The following RAB3C variants were observed in gnomAD, a reference collection of about 807,000 sequenced individuals.
RAB3C encodes the protein ras-related protein Rab-3C.
RAB3C carries 17 observed loss-of-function variants against 26.4 expected under a neutral mutation model. That is an observed-to-expected ratio of 0.64 (90% CI 0.44 to 0.97). The LOEUF (loss-of-function observed/expected upper bound fraction) is 0.97, where lower values mean the gene tolerates loss of function less well. RAB3C is among the 50% of genes least tolerant of loss of function. The pLI is 0.00. For missense variants in RAB3C, 242 were observed against 281.9 expected, an observed-to-expected ratio of 0.86 and a Z score of 1.01; for synonymous variants, 91 against 95.9, an observed-to-expected ratio of 0.95 and a Z score of 0.30.
Position 58,678,727 on chromosome 5 carries a change from T to C in RAB3C, c.253-47275T>C, listed in dbSNP as rs1748283469. 2.0e-5 allele frequency among the ~76,000 whole-genome samples: 3 copies of C among 152,222 alleles called. No individual in the cohort carries two copies. The South Asian group carries it at 6.2e-4, about 31-fold the overall frequency. ...TCACCCATTCTCTATTTTCTCTACATTTTAACAATAACCCAACTGCAAGTC... is the reference window on the plus strand; with the variant it reads ...TCACCCATTCTCTATTTTCTCTACACTTTAACAATAACCCAACTGCAAGTC... On this transcript the variant is annotated intron_variant, in intron 2 of 4. Coordinates refer to ENST00000282878, the MANE Select transcript of RAB3C (RefSeq NM_138453.4).
chr5:58,684,976 G>A (rs1748414434), intron 2 of RAB3C, among the ~76,000 whole-genome samples: 1 of 152,110 alleles, frequency 6.6e-6, no homozygotes, highest in African/African-American at 2.4e-5. Context: ...TGAATATATT[G>A]CAATATGTTA....
At chr5:58,658,603 G>A (rs879764822) in intron 2 of RAB3C, among the ~76,000 whole-genome samples, 8 of 152,158 alleles carry the variant, frequency 5.3e-5, no homozygotes, top group South Asian at 2.1e-4. Flanking sequence ...GTTTAGTGGC[G>A]TAAAATGACA....
intron 1 of RAB3C, among the ~76,000 whole-genome samples, chr5:58,590,519 T>A (rs1746105757): frequency 6.6e-6 from 1 of 151,724 alleles, no homozygotes; most frequent in East Asian, 1.9e-4. Context: ...TCTTAAGGTA[T>A]AAATTTGGTT....
intron 2 of RAB3C, among the ~76,000 whole-genome samples, chr5:58,702,017 A>G (rs1579867419): frequency 6.6e-6 from 1 of 152,226 alleles, no homozygotes; most frequent in East Asian, 1.9e-4. Flanking sequence ...AGTAAGATGC[A>G]AATCTGGTCC....
Position 58,617,796 on chromosome 5 carries a change from G to A in RAB3C, c.178G>A (p.Val60Ile), listed in dbSNP as rs190927640. ...YADDSFTSAF[V>I]STVGIDFKVK... is the part of the protein sequence containing the mutation. The stretch of plus-strand genomic sequence containing the variant: ...AGATGACTCCTTTACATCTGCATTC[G>A]TCAGCACAGTTGGGATCGATTTCAA... Residue 60 changes from valine to isoleucine, a missense_variant, in exon 2 of 5, where the codon GTC (valine) becomes ATC (isoleucine). Coordinates refer to ENST00000282878, the MANE Select transcript of RAB3C (RefSeq NM_138453.4). 1.0e-4 allele frequency: 162 copies of A among 1,613,618 alleles called. No homozygotes were observed. Among genetic ancestry groups the A allele is most frequent in the Non-Finnish European group, 1.2e-4 (144 of 1,179,736 alleles).
chr5:58,647,633 A>G (rs958148469), intron 2 of RAB3C: 9 of 152,250 alleles, frequency 5.9e-5, no homozygotes, highest in African/African-American at 2.2e-4. Flanking sequence ...TTTGAGATCT[A>G]TACTTTGGCT....
intron 1 of RAB3C, among the ~76,000 whole-genome samples, chr5:58,596,196 A>G (rs1158084083): frequency 6.6e-6 from 1 of 151,926 alleles, no homozygotes; most frequent in Non-Finnish European, 1.5e-5. Flanking sequence ...TGGTAACCCT[A>G]CCCATACCCT....
intron 2 of RAB3C, among the ~76,000 whole-genome samples, chr5:58,709,044 G>C (rs1013224956): frequency 1.3e-5 from 2 of 151,854 alleles, no homozygotes; most frequent in Admixed American, 6.6e-5. Flanking sequence ...TCTCATTTGT[G>C]GCTTTTTACT....
At position 58,671,698 on chromosome 5, in the gene RAB3C, G is replaced by A. The variant is rs1223535195; in HGVS notation, c.252+53828G>A. Among the ~76,000 whole-genome samples, 5 of 152,102 alleles carry A rather than the reference G, an allele frequency of 3.3e-5. No individual in the cohort carries two copies. In the East Asian group the frequency reaches 9.6e-4, roughly 29 times the overall value. On this transcript the variant is annotated intron_variant, in intron 2 of 4. Transcript: ENST00000282878. ...AGGGTTTCAAAACAAAATATAATTT[G>A]AACTGGAAAGTTTCGGTTGTTATTT...
At chr5:58,653,546 C>T (rs1747703415) in intron 2 of RAB3C, among the ~76,000 whole-genome samples, 1 of 152,118 alleles carries the variant, frequency 6.6e-6, no homozygotes, top group Admixed American at 6.5e-5. Flanking sequence ...TTGGAATCAA[C>T]CCAAATACCC....
intron 3 of RAB3C, among the ~76,000 whole-genome samples, chr5:58,769,920 C>G (rs1741998182): frequency 6.6e-6 from 1 of 152,122 alleles, no homozygotes; most frequent in Non-Finnish European, 1.5e-5. Flanking sequence ...ACCTTAAAAT[C>G]ACATTCCATG....
At chr5:58,810,798 T>C (rs917872761) in intron 3 of RAB3C, among the ~76,000 whole-genome samples, 2 of 152,208 alleles carry the variant, frequency 1.3e-5, no homozygotes, top group African/African-American at 2.4e-5. Flanking sequence ...GGTTTCGCCA[T>C]GTTGGCCAGG....
intron 2 of RAB3C, among the ~76,000 whole-genome samples, chr5:58,709,945 T>C (rs1749023587): frequency 6.6e-6 from 1 of 152,198 alleles, no homozygotes. Context: ...GTGGGTAACT[T>C]TGTGCCTTGT....
intron 2 of RAB3C, among the ~76,000 whole-genome samples, chr5:58,689,010 G>A (rs62366576): frequency 8.6e-4 from 131 of 152,138 alleles, no homozygotes; most frequent in Middle Eastern, 6.8e-3. Flanking sequence ...CAGGTATTAG[G>A]CTAAGCATCT....
At chr5:58,608,154 C>A (rs1375293629) in intron 1 of RAB3C, among the ~76,000 whole-genome samples, 2 of 152,052 alleles carry the variant, frequency 1.3e-5, no homozygotes, top group South Asian at 2.1e-4. Context: ...GATAAAGAGT[C>A]CAAACCCATC....
chr5:58,694,365 G>C (rs1199055406), intron 2 of RAB3C, among the ~76,000 whole-genome samples: 1 of 152,114 alleles, frequency 6.6e-6, no homozygotes. Context: ...TCAAGTCTTT[G>C]CTATTGTGAA....
chr5:58,686,819 G>T (rs994948354), intron 2 of RAB3C, among the ~76,000 whole-genome samples: 5 of 151,972 alleles, frequency 3.3e-5, no homozygotes, highest in South Asian at 2.1e-4. Flanking sequence ...AGGTAACAGG[G>T]TATCCTCTTG....
intron 3 of RAB3C, chr5:58,742,043 A>G (rs969009727): frequency 3.9e-5 from 6 of 152,196 alleles, no homozygotes; most frequent in Admixed American, 2.0e-4. Flanking sequence ...AGAGTTTTTA[A>G]TATTGTTTTC....
At chr5:58,720,085 C>T (rs560216238) in intron 2 of RAB3C, among the ~76,000 whole-genome samples, 47 of 151,942 alleles carry the variant, frequency 3.1e-4, no homozygotes, top group African/African-American at 1.0e-3. Context: ...TGAGGGACTT[C>T]GACACTAAAT....
Sources: allele counts gnomAD v4.1 joint callset (sites outside exome capture counted in the v4.1 genomes callset), GRCh38; gene constraint gnomAD v4.1.1; transcripts MANE v1.5; gene names NCBI Gene and HGNC (gene_info 2026-07-23, HGNC 2026-07-21).